CPNE3: variants seen among roughly 807,000 people sequenced by gnomAD.
CPNE3 encodes copine 3, also known as copine-3.
A neutral mutation model predicts 63.9 loss-of-function variants in CPNE3; 68 were observed. The observed-to-expected ratio is 1.06, with a 90% CI of 0.87 to 1.30. The LOEUF (loss-of-function observed/expected upper bound fraction) is 1.30, where lower values mean the gene tolerates loss of function less well. Ranked by LOEUF, CPNE3 falls within the 50% of genes most tolerant of loss-of-function variation. The pLI is 0.00. For missense variants in CPNE3, 665 were observed against 578.1 expected, an observed-to-expected ratio of 1.15 and a Z score of -1.54; for synonymous variants, 219 against 197.5, an observed-to-expected ratio of 1.11 and a Z score of -0.91.
At chr8:86,531,457 G>A (rs368141596) in intron 5 of CPNE3, among the ~76,000 whole-genome samples, 1 of 152,088 alleles carries the variant, frequency 6.6e-6, no homozygotes, top group Non-Finnish European at 1.5e-5. Flanking sequence ...TAAGTTGCCC[G>A]TAGAGGTCAA....
chr8:86,541,461 T>G (rs1820936525), intron 8 of CPNE3, among the ~76,000 whole-genome samples: 1 of 152,126 alleles, frequency 6.6e-6, no homozygotes. Context: ...CCCAGCACTT[T>G]GGGAGGCCGA....
rs529284492 is a variant in CPNE3 at position 86,520,420 on chromosome 8, A to T, written c.-11+4921A>T. 2.1e-4 allele frequency among the ~76,000 whole-genome samples: 31 copies of T among 144,322 alleles called. No homozygotes were observed. In the South Asian group the frequency reaches 6.5e-3, roughly 30 times the overall value. The allele number at this position is 144,322 out of a possible 152,430, so 94.7% of individuals were successfully genotyped here. ...AAAATACAAAAATTAGCTGGGCGTG[A>T]TGGCAGCGCCTGTAATCCCAGCAAC... is the stretch of plus-strand genomic sequence containing the variant. On this transcript the variant is annotated intron_variant, in intron 2 of 16. Coordinates refer to ENST00000517490, the MANE Select transcript of CPNE3 (RefSeq NM_003909.5).
chr8:86,522,616 T>C (rs1321717594), intron 2 of CPNE3, among the ~76,000 whole-genome samples: 1 of 144,106 alleles, frequency 6.9e-6, no homozygotes, highest in Non-Finnish European at 1.5e-5. Flanking sequence ...GCAACACAAT[T>C]TGAGAAACAC....
chr8:86,538,723 A>T (rs965841933), intron 7 of CPNE3, among the ~76,000 whole-genome samples: 13 of 152,140 alleles, frequency 8.5e-5, no homozygotes, highest in African/African-American at 2.9e-4. Context: ...CTAGATCCAG[A>T]TCAAACATTT....
chr8:86,540,567 G>A (rs61406819), intron 8 of CPNE3, among the ~76,000 whole-genome samples: 1,823 of 152,096 alleles, frequency 0.012, 33 homozygotes, highest in African/African-American at 0.042. Context: ...AAACAGTGTC[G>A]TTTCTATTTT....
At chr8:86,545,526 T>A (rs1040145165) in intron 9 of CPNE3, among the ~76,000 whole-genome samples, 4 of 152,240 alleles carry the variant, frequency 2.6e-5, no homozygotes, top group African/African-American at 9.6e-5. Flanking sequence ...AATAATTTTT[T>A]ATTGTTTTTC....
At chr8:86,547,676 G>A (rs561392940) in intron 10 of CPNE3, 35 bp from the exon 11 acceptor site, 1 of 880,686 alleles carries the variant, frequency 1.1e-6, no homozygotes. Context: ...TGTATAGTAG[G>A]AGAGTTGTAA....
In CPNE3 at chr8:86,548,286, A is replaced by G. The variant is rs899738047; in HGVS notation, c.880-15A>G. On this transcript the variant is annotated splice_polypyrimidine_tract_variant and intron_variant, in intron 11 of 16. Coordinates refer to ENST00000517490, the MANE Select transcript of CPNE3 (RefSeq NM_003909.5). ...TGCCTTCTCCTTACTAAGGGCTGCA[A>G]TTGTTATTTGGCAGGTGGGAGTGGA... 10 of 1,613,408 alleles carry G rather than the reference A, an allele frequency of 6.2e-6. No homozygotes were observed. The highest frequency in any genetic ancestry group is 8.5e-6 in the Non-Finnish European group (10 of 1,179,880).
intron 2 of CPNE3, among the ~76,000 whole-genome samples, chr8:86,522,979 A>G (rs904001536): frequency 5.3e-5 from 8 of 152,220 alleles, no homozygotes; most frequent in Admixed American, 2.0e-4. Flanking sequence ...TTTTATGTAA[A>G]TCCCAAAAAT....
intron 8 of CPNE3, among the ~76,000 whole-genome samples, chr8:86,543,729 C>T (rs1820992451): frequency 6.6e-6 from 1 of 152,116 alleles, no homozygotes; most frequent in Non-Finnish European, 1.5e-5. Flanking sequence ...AGGATTCCAA[C>T]TCTGTCTACC....
chr8:86,556,452 C>G, intron 16 of CPNE3, 114 bp downstream of exon 16: 1 of 743,414 alleles, frequency 1.3e-6, no homozygotes, highest in East Asian at 2.5e-5. Flanking sequence ...TGAACACTTT[C>G]CTTTGTCCAT....
At chr8:86,547,683 G>T (rs748272033) in intron 10 of CPNE3, 28 bp from the exon 11 acceptor site, 1 of 943,656 alleles carries the variant, frequency 1.1e-6, no homozygotes, top group East Asian at 2.4e-5. Context: ...TAGGAGAGTT[G>T]TAATTTTAAG....
intron 2 of CPNE3, among the ~76,000 whole-genome samples, chr8:86,519,059 G>A (rs1820376505): frequency 6.6e-6 from 1 of 152,128 alleles, no homozygotes; most frequent in Non-Finnish European, 1.5e-5. Flanking sequence ...ACCGTGCCTG[G>A]CCCAACCCTG....
chr8:86,521,196 C>CTG (rs1410126438), intron 2 of CPNE3, among the ~76,000 whole-genome samples: 1 of 152,152 alleles, frequency 6.6e-6, no homozygotes, highest in Non-Finnish European at 1.5e-5. Context: ...CATGGCAGAC[C>CTG]TGTGTGTGTA....
intron 12 of CPNE3, among the ~76,000 whole-genome samples, chr8:86,549,011 T>C (rs903204539): frequency 4.6e-5 from 7 of 152,172 alleles, no homozygotes; most frequent in Non-Finnish European, 1.0e-4. Context: ...TGGTTATCAA[T>C]GGTTAGGTTT....
At chr8:86,552,576 A>G (rs72690480) in intron 14 of CPNE3, among the ~76,000 whole-genome samples, 4,462 of 152,174 alleles carry the variant, frequency 0.029, 105 homozygotes, top group Non-Finnish European at 0.049. Context: ...CTGTTCACCA[A>G]GTGGTTTACA....
chr8:86,541,201 C>T (rs1410336801), intron 8 of CPNE3, among the ~76,000 whole-genome samples: 2 of 152,122 alleles, frequency 1.3e-5, no homozygotes, highest in Non-Finnish European at 2.9e-5. Context: ...TGACTTAGTC[C>T]TTTAACTGGC....
At chr8:86,526,317 T>G (rs907805398) in intron 2 of CPNE3, among the ~76,000 whole-genome samples, 1 of 152,082 alleles carries the variant, frequency 6.6e-6, no homozygotes, top group African/African-American at 2.4e-5. Flanking sequence ...CAATAGGAAT[T>G]CAAAGGAACA....
intron 2 of CPNE3, among the ~76,000 whole-genome samples, chr8:86,519,862 C>T (rs1041396954): frequency 6.6e-6 from 1 of 152,080 alleles, no homozygotes; most frequent in Admixed American, 6.6e-5. Context: ...TACAGGTGGG[C>T]GCCATCATGC....
Sources: allele counts gnomAD v4.1 joint callset (sites outside exome capture counted in the v4.1 genomes callset), GRCh38; gene constraint gnomAD v4.1.1; transcripts MANE v1.5; gene names NCBI Gene and HGNC (gene_info 2026-07-23, HGNC 2026-07-21).